Variants in POLR2M observed in about 807,000 individuals in gnomAD.
POLR2M encodes the protein RNA polymerase II subunit M.
In POLR2M, 30 loss-of-function variants were observed where a neutral mutation model predicts 34.6. The ratio of observed to expected loss-of-function variants is 0.87; its 90% CI spans 0.65 to 1.18. The LOEUF is 1.18. Among genes scored for constraint, POLR2M ranks in the 50% most tolerant of loss-of-function variants. The pLI, the probability that POLR2M is intolerant of heterozygous loss-of-function variation, is 0.00. For synonymous variants in POLR2M, 150 were observed against 166.7 expected (o/e 0.90, Z 0.77); for missense variants, 432 against 448.7 (o/e 0.96, Z 0.34).
chr15:57,709,049 T>A lies in POLR2M; in HGVS notation c.449T>A (p.Val150Glu), dbSNP rs1476632227. The change falls in exon 2 of 4, where the codon GTG (valine) becomes GAG (glutamate). Residue 150 changes from valine to glutamate, a missense_variant. Val to Glu is a moderately radical substitution (Grantham distance 121). Transcript: ENST00000299638. Reference protein sequence around the residue: ...DEETSEVEYTVNKGPASSNRD... With the variant: ...DEETSEVEYTENKGPASSNRD... ...GAGACTTCAGAGGTTGAGTACACAG[T>A]GAATAAGGGCCCAGCTTCCAGCAAT... is the stretch of plus-strand genomic sequence containing the variant. 6.2e-7 allele frequency: 1 copy of A among 1,614,006 alleles called. No individual in the cohort carries two copies. The highest frequency in any genetic ancestry group is 1.7e-5 in the Admixed American group (1 of 59,996).
intron 1 of POLR2M, 29 bp from the exon 2 acceptor site, chr15:57,708,680 CTGTAA>C: frequency 1.3e-6 from 2 of 1,510,216 alleles, no homozygotes; most frequent in South Asian, 1.4e-5. Context: ...AAAAAAATGG[CTGTAA>C]TGTAATAGTA....
In POLR2M at chr15:57,716,891, T is replaced by A. The variant is rs2040968561; in HGVS notation, c.*2212T>A. On this transcript the variant is annotated 3_prime_UTR_variant, in exon 4 of 4. Coordinates refer to ENST00000299638, the MANE Select transcript of POLR2M (RefSeq NM_015532.5). Reference sequence around the variant, plus strand: ...TTTTTGTAATCCAAGAATGGATAAATGTCCTTATTTTCTTCTAGTATTTTC... The same window carrying A: ...TTTTTGTAATCCAAGAATGGATAAAAGTCCTTATTTTCTTCTAGTATTTTC... The A allele has an allele frequency of 6.6e-6, 1 of 152,230 alleles. No individual in the cohort carries two copies. Among genetic ancestry groups the A allele is most frequent in the Non-Finnish European group, 1.5e-5 (1 of 68,036 alleles). The allele number at this position is 152,230 out of a possible 1,614,324, so 9.4% of individuals were successfully genotyped here.
In POLR2M at chr15:57,707,126, G is replaced by T. The variant is rs1377687009; in HGVS notation, c.113+171G>T. On this transcript the variant is annotated intron_variant, in intron 1 of 3. Transcript: ENST00000299638. ...GGAGGGCTTGCTGCGGCAGAGCCGT[G>T]CCTCTTCCTGGCCAGGCACGTATGC... 1.9e-6 allele frequency: 3 copies of T among 1,540,246 alleles called. No homozygotes were observed. In the African/African-American group the frequency reaches 4.1e-5, roughly 21 times the overall value.
rs142219594 is a variant in POLR2M at position 57,714,558 on chromosome 15, C to T, written c.986C>T (p.Ala329Val). 2.9e-5 allele frequency: 47 copies of T among 1,613,574 alleles called. No homozygotes were observed. Among genetic ancestry groups the T allele is most frequent in the African/African-American group, 2.4e-4 (18 of 74,866 alleles). The stretch of plus-strand genomic sequence containing the variant: ...AAGGAGATGCAAGCAAAGCTCGCAG[C>T]GCAAAAATTAGCTGAAAGACTGAAT... ...NYEEMQAKLA[A>V]QKLAERLNIK... is the part of the protein sequence containing the mutation. Residue 329 changes from alanine (A) to valine (V), a missense_variant, in exon 4 of 4, where the codon GCG (alanine) becomes GTG (valine). Physicochemically the swap from Ala to Val is moderately conservative, Grantham distance 64. Transcript: ENST00000299638.
In POLR2M at chr15:57,708,960, C is replaced by T. The variant is rs1392493750; in HGVS notation, c.360C>T (p.Asn120=). ...TTCCTGGATGTTCCTCTGTAGATAA[C>T]ATCAAGTCATCTCAAACCTCACAAA... The part of the protein sequence containing the change: ...SLVPGCSSVD[N]IKSSQTSQNQ... Residue 120 remains asparagine (N), a synonymous_variant, in exon 2 of 4, where the codon AAC becomes AAT. Transcript: ENST00000299638. The T allele has an allele frequency of 6.2e-7, 1 of 1,614,056 alleles. No homozygotes were observed. Among genetic ancestry groups the T allele is most frequent in the South Asian group, 1.1e-5 (1 of 91,088 alleles).
In POLR2M at chr15:57,711,207, A is replaced by G. The variant is rs116243108; in HGVS notation, c.759-777A>G. Reference sequence around the variant, plus strand: ...CCATATCTGCTAGCCATGAAGACCTACTTATTTCTTTGATCTTCATCTCTA... The same window carrying G: ...CCATATCTGCTAGCCATGAAGACCTGCTTATTTCTTTGATCTTCATCTCTA... On this transcript the variant is annotated intron_variant, in intron 2 of 3. Coordinates refer to ENST00000299638, the MANE Select transcript of POLR2M (RefSeq NM_015532.5). Among the ~76,000 whole-genome samples, 467 of 152,116 alleles carry G rather than the reference A, an allele frequency of 3.1e-3. 3 individuals are homozygous for G. Among genetic ancestry groups the G allele is most frequent in the African/African-American group, 0.011 (455 of 41,480 alleles).
At chr15:57,714,470 C>G (rs1448892463) in intron 3 of POLR2M, 66 bp from the exon 4 acceptor site, 7 of 1,593,166 alleles carry the variant, frequency 4.4e-6, no homozygotes, top group Non-Finnish European at 6.0e-6. Context: ...TAGGTAACTT[C>G]CCATTGAAAA....
chr15:57,711,928 A>T, intron 2 of POLR2M, 56 bp from the exon 3 acceptor site: 1 of 1,593,750 alleles, frequency 6.3e-7, no homozygotes, highest in Non-Finnish European at 8.6e-7. Context: ...GAATGTTTTA[A>T]ATGTGTCTAC....
At chr15:57,713,785 T>A (rs1228156289) in intron 3 of POLR2M, among the ~76,000 whole-genome samples, 1 of 149,332 alleles carries the variant, frequency 6.7e-6, no homozygotes, top group East Asian at 2.0e-4. Context: ...AAGAAGGTCC[T>A]GTCAGTTGTA....
rs1256684380 is a variant in POLR2M at position 57,708,706 on chromosome 15, T to C, written c.114-8T>C. On this transcript the variant is annotated splice_polypyrimidine_tract_variant and splice_region_variant and intron_variant, in intron 1 of 3. Coordinates refer to ENST00000299638, the MANE Select transcript of POLR2M (RefSeq NM_015532.5). The stretch of plus-strand genomic sequence containing the variant: ...TGTAATGTAATAGTATTCTTTTCCA[T>C]TTGACAGAAAATTCATTTGCAAATT... The C allele has an allele frequency of 4.5e-6, 7 of 1,568,066 alleles. No homozygotes were observed. The highest frequency in any genetic ancestry group is 3.9e-5 in the Admixed American group (2 of 51,308).
In POLR2M at chr15:57,709,054, A is replaced by G. The variant is rs28517767; in HGVS notation, c.454A>G (p.Lys152Glu). 7,228 of 1,614,010 alleles carry G rather than the reference A, an allele frequency of 4.5e-3. 266 individuals carry two copies. The African/African-American group carries it at 0.085, about 19-fold the overall frequency. The change falls in exon 2 of 4, where the codon AAG (lysine) becomes GAG (glutamate). Residue 152 changes from lysine to glutamate, a missense_variant. By Grantham distance (56) the Lys-to-Glu change is moderately conservative (BLOSUM62 1). Transcript: ENST00000299638. The stretch of plus-strand genomic sequence containing the variant: ...TTCAGAGGTTGAGTACACAGTGAAT[A>G]AGGGCCCAGCTTCCAGCAATAGAGA... ...ETSEVEYTVN[K>E]GPASSNRDRV...
chr15:57,708,755 T>G lies in POLR2M; in HGVS notation c.155T>G (p.Phe52Cys). ...CKLPDKGKKI[F>C]DSFAKLKAAI... is the part of the protein sequence containing the mutation. The stretch of plus-strand genomic sequence containing the variant: ...TTGCCCGACAAAGGTAAAAAGATCT[T>G]TGACTCTTTTGCCAAACTGAAAGCT... Residue 52 changes from phenylalanine (F) to cysteine (C), a missense_variant, in exon 2 of 4, where the codon TTT becomes TGT. By Grantham distance (205) the Phe-to-Cys change is radical. Coordinates refer to ENST00000299638, the MANE Select transcript of POLR2M (RefSeq NM_015532.5). The G allele has an allele frequency of 6.2e-7, 1 of 1,604,760 alleles. No individual in the cohort carries two copies. Among genetic ancestry groups the G allele is most frequent in the Non-Finnish European group, 8.5e-7 (1 of 1,177,328 alleles).
At chr15:57,712,453 C>T (rs1451354684) in intron 3 of POLR2M, among the ~76,000 whole-genome samples, 1 of 152,112 alleles carries the variant, frequency 6.6e-6, no homozygotes, top group Non-Finnish European at 1.5e-5. Context: ...TCTTAAAGCT[C>T]ATTTACCTGC....
In POLR2M at chr15:57,717,287, A is replaced by G. The variant is rs2040983430; in HGVS notation, c.*2608A>G. ...CCCTTGTTCTTTTAAATTTTGTGAAATATAACTTACAAATAAGTACTTAAA... is the reference window on the plus strand; with the variant it reads ...CCCTTGTTCTTTTAAATTTTGTGAAGTATAACTTACAAATAAGTACTTAAA... On this transcript the variant is annotated 3_prime_UTR_variant, in exon 4 of 4. Coordinates refer to ENST00000299638, the MANE Select transcript of POLR2M (RefSeq NM_015532.5). The G allele has an allele frequency of 6.6e-6, 1 of 152,204 alleles. No individual in the cohort carries two copies. Among genetic ancestry groups the G allele is most frequent in the Non-Finnish European group, 1.5e-5 (1 of 68,048 alleles). The allele number at this position is 152,204 out of a possible 1,614,324, so 9.4% of individuals were successfully genotyped here. A position where few individuals can be genotyped will look rare whatever the true frequency, so the allele number is the denominator to read the frequency against.
chr15:57,708,681 T>G, intron 1 of POLR2M, 33 bp from the exon 2 acceptor site: 1 of 1,514,444 alleles, frequency 6.6e-7, no homozygotes. Context: ...AAAAAATGGC[T>G]GTAATGTAAT....
At position 57,708,207 on chromosome 15, in the gene POLR2M, A is replaced by G. The variant is rs184051330; in HGVS notation, c.114-507A>G. 1.7e-3 allele frequency among the ~76,000 whole-genome samples: 264 copies of G among 152,372 alleles called. 2 individuals are homozygous for G. The highest frequency in any genetic ancestry group is 1.4e-3 in the Non-Finnish European group (93 of 68,040). ...TCAGAAATACGTCTGAAGTCTTTAA[A>G]ACATAAGCATACACAAGCACACATT... On this transcript the variant is annotated intron_variant, in intron 1 of 3. Coordinates refer to ENST00000299638, the MANE Select transcript of POLR2M (RefSeq NM_015532.5).
rs763055054 is a variant in POLR2M at position 57,712,200 on chromosome 15, AT to A, written c.963+20del. On this transcript the variant is annotated intron_variant, in intron 3 of 3. Transcript: ENST00000299638. ...AACAGAATTATGAGGTATTTAGAGT[AT>A]TTTTTTTCTTGTCTGTTTGTTGGGT... 5 of 1,612,656 alleles carry A rather than the reference AT, an allele frequency of 3.1e-6. No individual in the cohort carries two copies. The highest frequency in any genetic ancestry group is 3.4e-6 in the Non-Finnish European group (4 of 1,179,418).
chr15:57,709,430 G>A (rs1009626901), intron 2 of POLR2M, 72 bp downstream of exon 2: 6 of 1,521,838 alleles, frequency 3.9e-6, no homozygotes, highest in Non-Finnish European at 5.3e-6. Context: ...ACGAGAAACT[G>A]GGTGTGGTGG....
rs1430019159 is a variant in POLR2M at position 57,716,539 on chromosome 15, T to C, written c.*1860T>C. On this transcript the variant is annotated 3_prime_UTR_variant, in exon 4 of 4. Coordinates refer to ENST00000299638, the MANE Select transcript of POLR2M (RefSeq NM_015532.5). ...AATGCTCAGAATTGAAAATTACTAC[T>C]TAAAATCTTTGCAAATTGAATAATT... is the stretch of plus-strand genomic sequence containing the variant. The C allele has an allele frequency of 1.3e-5, 2 of 152,294 alleles. No homozygotes were observed. Among genetic ancestry groups the C allele is most frequent in the African/African-American group, 4.8e-5 (2 of 41,482 alleles). The allele number at this position is 152,294 out of a possible 1,614,324, so 9.4% of individuals were successfully genotyped here. A position where few individuals can be genotyped will look rare whatever the true frequency, so the allele number is the denominator to read the frequency against.
Sources: gnomAD v4.1 joint callset for allele counts (sites outside exome capture counted in the v4.1 genomes callset) on GRCh38, gnomAD v4.1.1 for gene constraint, MANE v1.5 for transcripts, NCBI Gene and HGNC (gene_info 2026-07-23, HGNC 2026-07-21) for gene names.